The following ARHGAP22 variants were observed in gnomAD, a reference collection of about 807,000 sequenced individuals.
ARHGAP22 encodes rho GTPase-activating protein 22.
A neutral mutation model predicts 59.1 loss-of-function variants in ARHGAP22; 48 were observed. The ratio of observed to expected loss-of-function variants is 0.81; its 90% confidence interval spans 0.64 to 1.03. The LOEUF (loss-of-function observed/expected upper bound fraction) is 1.03. Among genes scored for constraint, ARHGAP22 ranks in the 50% least tolerant of loss-of-function variants. The pLI, the probability that ARHGAP22 is intolerant of heterozygous loss-of-function variation, is 0.00. For synonymous variants in ARHGAP22, 445 were observed against 416.4 expected (o/e 1.07, Z -0.84); for missense variants, 1,015 against 958.7 (o/e 1.06, Z -0.78).
intron 1 of ARHGAP22, among the ~76,000 whole-genome samples, chr10:48,638,774 G>A (rs1358250590): frequency 6.6e-6 from 1 of 152,070 alleles, no homozygotes; most frequent in Admixed American, 6.6e-5. Flanking sequence ...TTCTAGTGGT[G>A]CTTAATGAAC....
chr10:48,476,710 C>T (rs1017032662), intron 4 of ARHGAP22, among the ~76,000 whole-genome samples: 18 of 152,212 alleles, frequency 1.2e-4, no homozygotes, highest in Non-Finnish European at 1.5e-5. Context: ...AAATGCCAGG[C>T]CTGGGGAAGG....
At chr10:48,454,225 G>T in intron 6 of ARHGAP22, 64 bp from the exon 7 acceptor site, 3 of 1,442,818 alleles carry the variant, frequency 2.1e-6, no homozygotes, top group Non-Finnish European at 2.9e-6. Flanking sequence ...CTCTGACTGC[G>T]AGGAGGGGTG....
chr10:48,529,122 A>T (rs2054594443), intron 3 of ARHGAP22, among the ~76,000 whole-genome samples: 1 of 152,198 alleles, frequency 6.6e-6, no homozygotes, highest in African/African-American at 2.4e-5. Context: ...AGGGTAGAAG[A>T]CATGATGCAG....
intron 2 of ARHGAP22, 167 bp downstream of exon 2, chr10:48,582,786 A>G (rs2059194785): frequency 2.8e-6 from 2 of 719,010 alleles, no homozygotes; most frequent in East Asian, 5.5e-5. Context: ...AGGCTGTGAT[A>G]CCAGGAACAT....
At chr10:48,505,300 C>T (rs1458961805) in intron 3 of ARHGAP22, among the ~76,000 whole-genome samples, 1 of 152,008 alleles carries the variant, frequency 6.6e-6, no homozygotes, top group South Asian at 2.1e-4. Context: ...GTGATCTGCC[C>T]GCCTTGGGAA....
chr10:48,653,454 C>T (rs2062641130), upstream of ARHGAP22, among the ~76,000 whole-genome samples: 3 of 152,192 alleles, frequency 2.0e-5, no homozygotes, highest in Non-Finnish European at 4.4e-5. Context: ...TTGGCCCATG[C>T]CTTGGGGATC....
chr10:48,559,438 G>T (rs1375014218), intron 2 of ARHGAP22, among the ~76,000 whole-genome samples: 1 of 152,192 alleles, frequency 6.6e-6, no homozygotes, highest in South Asian at 2.1e-4. Context: ...GCAGTCCATT[G>T]GTGTAAGTAG....
At chr10:48,641,076 A>G (rs2062024777) in intron 1 of ARHGAP22, among the ~76,000 whole-genome samples, 1 of 152,202 alleles carries the variant, frequency 6.6e-6, no homozygotes, top group African/African-American at 2.4e-5. Context: ...TGTAATCTCT[A>G]GAGCAAACAC....
chr10:48,570,586 G>A (rs913748706), intron 2 of ARHGAP22, among the ~76,000 whole-genome samples: 6 of 152,172 alleles, frequency 3.9e-5, no homozygotes, highest in African/African-American at 1.4e-4. Flanking sequence ...GAAATTTGCT[G>A]TGGCAAGATC....
At chr10:48,581,726 A>T (rs2059132031) in intron 2 of ARHGAP22, among the ~76,000 whole-genome samples, 1 of 152,254 alleles carries the variant, frequency 6.6e-6, no homozygotes, top group Non-Finnish European at 1.5e-5. Flanking sequence ...CATTAAGTGC[A>T]TTCACGTTGC....
intron 1 of ARHGAP22, among the ~76,000 whole-genome samples, chr10:48,620,883 G>A (rs894505410): frequency 1.3e-5 from 2 of 152,222 alleles, no homozygotes; most frequent in Admixed American, 6.5e-5. Context: ...GGGACTTGAA[G>A]CCCAGGCTCC....
intron 4 of ARHGAP22, among the ~76,000 whole-genome samples, chr10:48,475,524 TCTCAG>T (rs2048634495): frequency 6.6e-6 from 1 of 152,216 alleles, no homozygotes; most frequent in Non-Finnish European, 1.5e-5. Context: ...AGTCTTTCTA[TCTCAG>T]CTAACTCATT....
chr10:48,571,356 C>A (rs1033567497), intron 2 of ARHGAP22, among the ~76,000 whole-genome samples: 2 of 152,190 alleles, frequency 1.3e-5, no homozygotes, highest in Non-Finnish European at 2.9e-5. Context: ...AGCAAGATTT[C>A]TTTTCTCCAG....
intron 2 of ARHGAP22, among the ~76,000 whole-genome samples, chr10:48,565,917 C>T (rs1564894230): frequency 6.6e-6 from 1 of 152,172 alleles, no homozygotes; most frequent in Admixed American, 6.5e-5. Context: ...TTCAGTAGTC[C>T]TAGCATGGTG....
chr10:48,490,593 G>T (rs56177940), intron 3 of ARHGAP22, among the ~76,000 whole-genome samples: 4 of 152,170 alleles, frequency 2.6e-5, no homozygotes, highest in Non-Finnish European at 5.9e-5. Context: ...TCTAAGTGCC[G>T]CTTCTATCAA....
At chr10:48,491,295 G>C (rs1008286792) in intron 3 of ARHGAP22, among the ~76,000 whole-genome samples, 2 of 152,298 alleles carry the variant, frequency 1.3e-5, no homozygotes, top group Middle Eastern at 3.4e-3. Context: ...TGGACCTGCT[G>C]TTCCCTTGCT....
intron 3 of ARHGAP22, among the ~76,000 whole-genome samples, chr10:48,527,735 G>T (rs1392538868): frequency 6.6e-6 from 1 of 152,198 alleles, no homozygotes; most frequent in Non-Finnish European, 1.5e-5. Context: ...CACCCAAATT[G>T]ATGATGACCC....
Position 48,446,089 on chromosome 10 carries a change from G to T in ARHGAP22, c.*302C>A, listed in dbSNP as rs577916045. ...GCTGACTGTTCCCGGTGGCTGCCTG[G>T]ATCCTGGGCGCCCTCCATTTCTGTG... On this transcript the variant is annotated 3_prime_UTR_variant, in exon 10 of 10. Transcript: ENST00000249601. The T allele has an allele frequency of 7.0e-6, 3 of 428,494 alleles. No homozygotes were observed. In the South Asian group the frequency reaches 1.2e-4, roughly 18 times the overall value. The allele number at this position is 428,494 out of a possible 1,614,324, so 26.5% of individuals were successfully genotyped here. A position where few individuals can be genotyped will look rare whatever the true frequency, so the allele number is the denominator to read the frequency against.
the ARHGAP22 span, among the ~76,000 whole-genome samples, chr10:48,432,112 G>T: frequency 6.6e-6 from 1 of 152,178 alleles, no homozygotes; most frequent in Admixed American, 6.5e-5. Context: ...TGGCTACAGA[G>T]GTTAGGACAG....
Sources: allele counts gnomAD v4.1 joint callset (sites outside exome capture counted in the v4.1 genomes callset), GRCh38; gene constraint gnomAD v4.1.1; transcripts MANE v1.5; gene names NCBI Gene and HGNC (gene_info 2026-07-23, HGNC 2026-07-21).